Variants in CPED1 observed in about 807,000 individuals in gnomAD.
CPED1 encodes the protein cadherin like and PC-esterase domain containing 1, also known as cadherin-like and PC-esterase domain-containing protein 1.
Under a neutral mutation model 128.2 loss-of-function variants are expected in CPED1, and 114 were observed. That is an observed-to-expected ratio of 0.89 (90% CI 0.76 to 1.04). The LOEUF (loss-of-function observed/expected upper bound fraction) is 1.04, where lower values mean the gene tolerates loss of function less well. Ranked by LOEUF, CPED1 falls within the 50% of genes least tolerant of loss-of-function variation. The pLI, the probability that CPED1 is intolerant of heterozygous loss-of-function variation, is 0.00. For missense variants in CPED1, 1,211 were observed against 1,207.1 expected (o/e 1.00, Z -0.05); for synonymous variants, 462 against 426.7 (o/e 1.08, Z -1.02).
At chr7:121,275,970 G>GC (rs1792322703) in intron 22 of CPED1, among the ~76,000 whole-genome samples, 1 of 150,168 alleles carries the variant, frequency 6.7e-6, no homozygotes, top group Non-Finnish European at 1.5e-5. Flanking sequence ...GACTTTTAGG[G>GC]AAAAAAAAGA....
intron 7 of CPED1, among the ~76,000 whole-genome samples, chr7:121,102,768 C>T (rs1009670265): frequency 2.0e-5 from 3 of 152,094 alleles, no homozygotes; most frequent in African/African-American, 7.2e-5. Flanking sequence ...TATTTTCCTT[C>T]AGCCTGTCCT....
At chr7:121,193,962 A>C (rs1797204289) in intron 16 of CPED1, among the ~76,000 whole-genome samples, 1 of 146,582 alleles carries the variant, frequency 6.8e-6, no homozygotes, top group Non-Finnish European at 1.5e-5. Context: ...ATTTATCTGT[A>C]CAGTCATGGC....
chr7:121,223,380 C>T (rs374651263), intron 16 of CPED1, among the ~76,000 whole-genome samples: 8 of 152,070 alleles, frequency 5.3e-5, no homozygotes, highest in South Asian at 4.2e-4. Flanking sequence ...CGAGGATTTT[C>T]GCATTGATGT....
In CPED1 at chr7:121,064,286, T is replaced by G. The variant is rs1411458404; in HGVS notation, c.589T>G (p.Leu197Val). ...GCAGCCACTTTGCAGAAAGGAAGGA[T>G]TATGTCAAATAGTTAGAAGATTCCC... Reference protein sequence around the residue: ...IQQPLCRKEGLCQIVRRFPEL... With the variant: ...IQQPLCRKEGVCQIVRRFPEL... Residue 197 changes from leucine (L) to valine (V), a missense_variant, in exon 5 of 23, where the codon TTA (leucine) becomes GTA (valine). By Grantham distance (32) the Leu-to-Val change is conservative. Coordinates refer to ENST00000310396, the MANE Select transcript of CPED1 (RefSeq NM_024913.5). 2 of 1,612,342 alleles carry G rather than the reference T, an allele frequency of 1.2e-6. No individual in the cohort carries two copies. Among genetic ancestry groups the G allele is most frequent in the East Asian group, 2.2e-5 (1 of 44,878 alleles).
intron 3 of CPED1, among the ~76,000 whole-genome samples, chr7:121,019,470 A>T (rs1792383535): frequency 6.6e-6 from 1 of 152,058 alleles, no homozygotes; most frequent in Non-Finnish European, 1.5e-5. Flanking sequence ...AAAAACAGCC[A>T]CAAGTAATTC....
rs145038573 is a variant in CPED1 at position 121,185,981 on chromosome 7, G to C, written c.2055+43840G>C. The stretch of plus-strand genomic sequence containing the variant: ...GATTAGTCATATATCGTGTTTTAAA[G>C]TATTGAGAGTTACATCCAACAAACT... On this transcript the variant is annotated intron_variant, in intron 16 of 22. Coordinates refer to ENST00000310396, the MANE Select transcript of CPED1 (RefSeq NM_024913.5). 9.3e-4 allele frequency among the ~76,000 whole-genome samples: 141 copies of C among 152,284 alleles called. 2 individuals carry two copies. The highest frequency in any genetic ancestry group is 3.3e-3 in the African/African-American group (136 of 41,568).
Position 121,295,517 on chromosome 7 carries a change from T to C in CPED1, c.2946T>C (p.Tyr982=). ...CAAGAAATCATATCATGGGAAGATATTTCAGCAATCAAAGCAAACTACAAC... is the reference window on the plus strand; with the variant it reads ...CAAGAAATCATATCATGGGAAGATACTTCAGCAATCAAAGCAAACTACAAC... The part of the protein sequence containing the change: ...KRSRNHIMGR[Y]FSNQSKLQQG... Residue 982 remains tyrosine (Y), a synonymous_variant, in exon 23 of 23, where the codon TAT becomes TAC. Coordinates refer to ENST00000310396, the MANE Select transcript of CPED1 (RefSeq NM_024913.5). 2 of 1,614,088 alleles carry C rather than the reference T, an allele frequency of 1.2e-6. No individual in the cohort carries two copies. Among genetic ancestry groups the C allele is most frequent in the Non-Finnish European group, 8.5e-7 (1 of 1,179,946 alleles).
intron 2 of CPED1, among the ~76,000 whole-genome samples, chr7:121,006,371 T>C (rs1167932204): frequency 2.6e-5 from 4 of 152,030 alleles, no homozygotes; most frequent in African/African-American, 4.8e-5. Flanking sequence ...AGAAACCTCA[T>C]AGAGTCAGCT....
intron 5 of CPED1, among the ~76,000 whole-genome samples, chr7:121,082,123 T>C (rs888382516): frequency 1.7e-4 from 26 of 152,224 alleles, no homozygotes; most frequent in South Asian, 6.2e-4. Context: ...CTGCTAAATA[T>C]AGTCATGCAA....
At chr7:121,090,288 CA>C (rs1794541455) in intron 5 of CPED1, among the ~76,000 whole-genome samples, 1 of 152,142 alleles carries the variant, frequency 6.6e-6, no homozygotes, top group Admixed American at 6.5e-5. Context: ...TTTTATGGGT[CA>C]AATTGTGTCT....
chr7:121,142,505 T>G (rs965158713), intron 16 of CPED1, among the ~76,000 whole-genome samples: 4 of 152,046 alleles, frequency 2.6e-5, no homozygotes, highest in Non-Finnish European at 5.9e-5. Context: ...TAAACTAGAT[T>G]TAGTAGAATT....
At chr7:121,122,946 G>GT (rs1795423429) in intron 7 of CPED1, among the ~76,000 whole-genome samples, 1 of 151,790 alleles carries the variant, frequency 6.6e-6, no homozygotes, top group Non-Finnish European at 1.5e-5. Context: ...TGATATTCAG[G>GT]TAACATTGAA....
At chr7:121,149,565 C>T (rs1179619310) in intron 16 of CPED1, 2 of 152,138 alleles carry the variant, frequency 1.3e-5, no homozygotes, top group East Asian at 3.9e-4. Flanking sequence ...CTTTTGCTAC[C>T]CAGCAGAGCA....
At chr7:121,135,972 C>T in intron 13 of CPED1, 68 bp from the exon 14 acceptor site, 2 of 1,205,072 alleles carry the variant, frequency 1.7e-6, no homozygotes, top group Non-Finnish European at 2.3e-6. Flanking sequence ...TATCTAATAG[C>T]TAAATGTATA....
chr7:121,212,516 A>G (rs148286780), intron 16 of CPED1, among the ~76,000 whole-genome samples: 1,785 of 152,090 alleles, frequency 0.012, 37 homozygotes, highest in African/African-American at 0.04. Flanking sequence ...AAGCATCTCG[A>G]GTTGACCATG....
rs34168785 is a variant in CPED1, at chr7:121,218,151, AT to A, written c.2056-18548del. 4.2e-3 allele frequency among the ~76,000 whole-genome samples: 600 copies of A among 141,570 alleles called. 3 individuals are homozygous for A. The highest frequency in any genetic ancestry group is 7.1e-3 in the African/African-American group (270 of 38,278). The allele number at this position is 141,570 out of a possible 152,430, so 92.9% of individuals were successfully genotyped here. A position where few individuals can be genotyped will look rare whatever the true frequency, so the allele number is the denominator to read the frequency against. On this transcript the variant is annotated intron_variant, in intron 16 of 22. Coordinates refer to ENST00000310396, the MANE Select transcript of CPED1 (RefSeq NM_024913.5). ...AGGCACCCTCCACCATGCCTGGCTA[AT>A]TTTTTTTTTTTTTTGTATTTTTAGT...
At chr7:121,139,294 A>G (rs1427507480) in intron 14 of CPED1, among the ~76,000 whole-genome samples, 1 of 152,074 alleles carries the variant, frequency 6.6e-6, no homozygotes, top group Admixed American at 6.6e-5. Flanking sequence ...ATAAAATTAC[A>G]GTATATCTAT....
At chr7:121,082,951 A>G (rs1188337754) in intron 5 of CPED1, among the ~76,000 whole-genome samples, 1 of 152,160 alleles carries the variant, frequency 6.6e-6, no homozygotes, top group Admixed American at 6.5e-5. Flanking sequence ...CTTATTTATA[A>G]TAATATTTAT....
At chr7:121,206,005 G>T (rs1797508216) in intron 16 of CPED1, among the ~76,000 whole-genome samples, 1 of 151,992 alleles carries the variant, frequency 6.6e-6, no homozygotes, top group South Asian at 2.1e-4. Context: ...CAGGATTTTT[G>T]TATTCAGGCA....
Sources: gnomAD v4.1 joint callset for allele counts (sites outside exome capture counted in the v4.1 genomes callset) on GRCh38, gnomAD v4.1.1 for gene constraint, MANE v1.5 for transcripts, NCBI Gene and HGNC (gene_info 2026-07-23, HGNC 2026-07-21) for gene names.